Variants in CFAP99 observed in about 807,000 individuals in gnomAD.
The protein encoded by CFAP99 is cilia and flagella associated protein 99, also known as cilia- and flagella-associated protein 99.
Under a neutral mutation model 82.7 loss-of-function variants are expected in CFAP99, and 84 were observed. The ratio of observed to expected loss-of-function variants is 1.02; its 90% CI spans 0.85 to 1.22. The LOEUF is 1.22. CFAP99 is among the 50% of genes most tolerant of loss of function. CFAP99 has a pLI of 0.00. For synonymous variants in CFAP99, 456 were observed against 429.5 expected (o/e 1.06, Z -0.76); for missense variants, 1,059 against 983.5 (o/e 1.08, Z -1.03).
chr4:2,421,909 T>G (rs1733593460), intron 1 of CFAP99, among the ~76,000 whole-genome samples: 2 of 150,766 alleles, frequency 1.3e-5, no homozygotes, highest in South Asian at 4.2e-4. Context: ...AGCACAAAAT[T>G]AGTCGGGCGT....
chr4:2,454,581 C>CTTTTTTTTTTTTTCTTTTT (rs200727697), intron 11 of CFAP99, among the ~76,000 whole-genome samples: 1 of 94,722 alleles, frequency 1.1e-5, no homozygotes, highest in Non-Finnish European at 2.1e-5. Flanking sequence ...TGTTTTTTTT[C>CTTTTTTTTTTTTTCTTTTT]TTTTTTTTTT....
intron 11 of CFAP99, among the ~76,000 whole-genome samples, chr4:2,453,610 CATTT>C (rs1377634554): frequency 1.3e-5 from 2 of 151,902 alleles, no homozygotes; most frequent in Non-Finnish European, 2.9e-5. Flanking sequence ...ATTTGCATCT[CATTT>C]ATTTATCAGT....
At chr4:2,458,905 C>T (rs1312663882) in intron 12 of CFAP99, 41 bp downstream of exon 12, 1 of 1,513,322 alleles carries the variant, frequency 6.6e-7, no homozygotes, top group East Asian at 2.5e-5. Flanking sequence ...CCCCGCTCTT[C>T]CCCACTCGGG....
At chr4:2,441,024 C>T (rs1275121924) in intron 4 of CFAP99, among the ~76,000 whole-genome samples, 1 of 151,490 alleles carries the variant, frequency 6.6e-6, no homozygotes, top group African/African-American at 2.4e-5. Flanking sequence ...TGCCACTGCA[C>T]TCCAGCCTGG....
intron 4 of CFAP99, among the ~76,000 whole-genome samples, chr4:2,442,888 GGGTGCTGGGGGCCTTGGGGGC>G (rs1734077683): frequency 6.9e-6 from 1 of 144,094 alleles, no homozygotes; most frequent in African/African-American, 2.7e-5. Context: ...AGCTCACTGG[GGGTGCTGGGGGCCTTGGGGGC>G]AGGGAGCTCA....
In CFAP99 at chr4:2,460,258, G is replaced by C. The variant is rs549219198; in HGVS notation, c.1661+16G>C. 2.0e-6 allele frequency: 3 copies of C among 1,534,888 alleles called. No individual in the cohort carries two copies. The highest frequency in any genetic ancestry group is 2.7e-5 in the African/African-American group (2 of 72,990). The stretch of plus-strand genomic sequence containing the variant: ...CAGCCTTGAGGTTGGTACTGGGCTC[G>C]GGGAGGGTGCCTCTGGGTGGACAGG... On this transcript the variant is annotated intron_variant, in intron 14 of 14. Transcript: ENST00000635017.
At chr4:2,440,062 G>C (rs549588843) in intron 4 of CFAP99, among the ~76,000 whole-genome samples, 2 of 151,118 alleles carry the variant, frequency 1.3e-5, no homozygotes, top group African/African-American at 4.9e-5. Flanking sequence ...GGCTGGTCTC[G>C]AACTCCTGAC....
At chr4:2,432,092 G>A (rs973058972) in intron 2 of CFAP99, among the ~76,000 whole-genome samples, 3 of 152,168 alleles carry the variant, frequency 2.0e-5, no homozygotes, top group African/African-American at 7.2e-5. Context: ...GTCTAGAGTG[G>A]GTTCAGCAGC....
At chr4:2,449,364 C>T (rs934793231) in intron 6 of CFAP99, among the ~76,000 whole-genome samples, 1 of 152,150 alleles carries the variant, frequency 6.6e-6, no homozygotes, top group African/African-American at 2.4e-5. Flanking sequence ...CCTACCCACC[C>T]TGGCCATCCC....
chr4:2,437,299 C>T (rs1487503758), intron 3 of CFAP99, among the ~76,000 whole-genome samples: 4 of 152,320 alleles, frequency 2.6e-5, no homozygotes, highest in African/African-American at 9.6e-5. Context: ...GAGAGCCTTC[C>T]GTAGGCTGAC....
chr4:2,420,551 G>A (rs1028288263), intron 1 of CFAP99, among the ~76,000 whole-genome samples: 1 of 152,170 alleles, frequency 6.6e-6, no homozygotes, highest in South Asian at 2.1e-4. Flanking sequence ...TGGAGCAGTT[G>A]TATCTGCTCA....
intron 1 of CFAP99, among the ~76,000 whole-genome samples, chr4:2,424,121 C>G (rs1733636722): frequency 6.6e-6 from 1 of 152,240 alleles, no homozygotes; most frequent in Non-Finnish European, 1.5e-5. Flanking sequence ...GTCCCTAAAG[C>G]AGCCCCTAAA....
At chr4:2,426,868 G>A (rs1733695815) in intron 2 of CFAP99, 1 of 386,116 alleles carries the variant, frequency 2.6e-6, no homozygotes, top group African/African-American at 2.0e-5. Context: ...AGAAGGGTCA[G>A]CCCTGGAGCG....
chr4:2,443,183 G>A (rs1233719186), exon 5 of CFAP99: 2 of 1,535,828 alleles, frequency 1.3e-6, no homozygotes, highest in Non-Finnish European at 1.7e-6. Flanking sequence ...TCAAGGATGA[G>A]TGGAGCCTCA....
At chr4:2,450,292 T>C in intron 8 of CFAP99, 2 of 476,400 alleles carry the variant, frequency 4.2e-6, no homozygotes, top group South Asian at 5.2e-5. Context: ...GTGACAAGCA[T>C]TTCATGTCTC....
intron 13 of CFAP99, 136 bp downstream of exon 13, chr4:2,459,394 G>C (rs557829520): frequency 1.9e-6 from 2 of 1,073,990 alleles, no homozygotes; most frequent in Non-Finnish European, 2.6e-6. Flanking sequence ...GCCACCCTCC[G>C]TGACTCAACA....
chr4:2,449,827 G>C, intron 7 of CFAP99, 77 bp downstream of exon 7: 1 of 1,529,684 alleles, frequency 6.5e-7, no homozygotes, highest in Admixed American at 2.0e-5. Flanking sequence ...GTGGGGAGAG[G>C]GAAGAGGAGG....
At chr4:2,454,581 CTTTTT>C (rs200727697) in intron 11 of CFAP99, among the ~76,000 whole-genome samples, 1 of 94,722 alleles carries the variant, frequency 1.1e-5, no homozygotes, top group Non-Finnish European at 2.1e-5. Context: ...TGTTTTTTTT[CTTTTT>C]TTTTTTTGTT....
rs1281649935 is a variant in CFAP99, at chr4:2,462,036, A to C, written c.1662-407A>C. Among the ~76,000 whole-genome samples the C allele has an allele frequency of 1.3e-5, 2 of 151,790 alleles. No individual in the cohort carries two copies. The highest frequency in any genetic ancestry group is 2.9e-5 in the Non-Finnish European group (2 of 67,958). On this transcript the variant is annotated intron_variant, in intron 14 of 14. Coordinates refer to ENST00000635017, the Ensembl canonical transcript of CFAP99. This position sits in a 1 kb window ranked among gnomAD's most constrained non-coding sequence, Gnocchi z 4.1. ...GCTAGGCGCCGTGGCTCACGCCTGT[A>C]ATCCCAGCATTTTGGGAGGCTGAGG...
Sources: gnomAD v4.1 joint callset for allele counts (sites outside exome capture counted in the v4.1 genomes callset) on GRCh38, gnomAD v4.1.1 for gene constraint, Gnocchi (gnomAD v3.1) non-coding constraint, MANE v1.5 for transcripts, NCBI Gene and HGNC (gene_info 2026-07-23, HGNC 2026-07-21) for gene names.